The following LEF1 variants were observed in gnomAD, a reference collection of about 807,000 sequenced individuals.
LEF1 encodes the protein lymphoid enhancer-binding factor 1.
LEF1 carries 14 observed loss-of-function variants against 51.2 expected under a neutral mutation model. The ratio of observed to expected loss-of-function variants is 0.27; its 90% CI spans 0.18 to 0.43. The LOEUF (loss-of-function observed/expected upper bound fraction) is 0.43. Among genes scored for constraint, LEF1 ranks in the 20% least tolerant of loss-of-function variants. The pLI, the probability that LEF1 is intolerant of heterozygous loss-of-function variation, is 1.00. For missense variants in LEF1, 386 were observed against 512.0 expected (o/e 0.75, Z 2.37); for synonymous variants, 185 against 183.2 (o/e 1.01, Z -0.08).
chr4:108,148,761 C>T (rs1046941544), intron 3 of LEF1, among the ~76,000 whole-genome samples: 4 of 152,116 alleles, frequency 2.6e-5, no homozygotes, highest in African/African-American at 9.7e-5. Context: ...ACTTGTTTAT[C>T]CTTAAACTTT....
intron 3 of LEF1, among the ~76,000 whole-genome samples, chr4:108,148,542 T>G (rs1463342612): frequency 6.6e-6 from 1 of 152,230 alleles, no homozygotes; most frequent in Non-Finnish European, 1.5e-5. Context: ...TGCCTCACTC[T>G]GCTCAGCTGT....
At chr4:108,157,588 CCAG>C (rs1744813627) in intron 3 of LEF1, among the ~76,000 whole-genome samples, 1 of 152,162 alleles carries the variant, frequency 6.6e-6, no homozygotes, top group Non-Finnish European at 1.5e-5. Flanking sequence ...GTCAACAAAT[CCAG>C]CTTTTTAAAG....
intron 3 of LEF1, among the ~76,000 whole-genome samples, chr4:108,099,570 G>GTATGTATA (rs1740640776): frequency 1.4e-5 from 1 of 70,196 alleles, no homozygotes; most frequent in East Asian, 7.7e-4. Flanking sequence ...GTGTGTGTGT[G>GTATGTATA]TATATATATA....
In LEF1 at chr4:108,167,081, C is replaced by A. The variant is rs1745454463; in HGVS notation, c.213+474G>T. On this transcript the variant is annotated intron_variant, in intron 1 of 11. Coordinates refer to ENST00000265165, the MANE Select transcript of LEF1 (RefSeq NM_016269.5). The surrounding 1 kb of genome is among the most constrained non-coding windows in gnomAD (Gnocchi z 5.7). Reference sequence around the variant, plus strand: ...CCTTCCTCCCGCCTGTGGCTCTGCTCGTCTCCACCTAAGCCTTTGGTGGTT... The same window carrying A: ...CCTTCCTCCCGCCTGTGGCTCTGCTAGTCTCCACCTAAGCCTTTGGTGGTT... Among the ~76,000 whole-genome samples the A allele has an allele frequency of 2.6e-5, 4 of 152,150 alleles. No individual in the cohort carries two copies. In the South Asian group the frequency reaches 8.3e-4, roughly 32 times the overall value.
At chr4:108,059,929 C>A (rs1737562666) in intron 11 of LEF1, among the ~76,000 whole-genome samples, 1 of 152,118 alleles carries the variant, frequency 6.6e-6, no homozygotes, top group Middle Eastern at 3.2e-3. Flanking sequence ...AAGCAATTCA[C>A]CCACTTCAAC....
chr4:108,122,644 ATTTATT>A (rs1327425155), intron 3 of LEF1, among the ~76,000 whole-genome samples: 6 of 151,982 alleles, frequency 3.9e-5, no homozygotes, highest in African/African-American at 9.7e-5. Flanking sequence ...TGCCCAGCTA[ATTTATT>A]TTTATTTTTA....
chr4:108,112,945 C>T (rs979043953), intron 3 of LEF1, among the ~76,000 whole-genome samples: 11 of 152,106 alleles, frequency 7.2e-5, no homozygotes, highest in Non-Finnish European at 1.2e-4. Context: ...CACCATTAGA[C>T]AATGTCATCA....
chr4:108,160,278 C>T (rs1231014874), intron 3 of LEF1, among the ~76,000 whole-genome samples: 1 of 152,154 alleles, frequency 6.6e-6, no homozygotes, highest in Non-Finnish European at 1.5e-5. Flanking sequence ...TCTTTTAATA[C>T]TTTACCATTG....
intron 3 of LEF1, among the ~76,000 whole-genome samples, chr4:108,161,107 A>G (rs979267176): frequency 4.6e-5 from 7 of 152,228 alleles, no homozygotes; most frequent in East Asian, 1.9e-4. Context: ...AGCCCTGCTA[A>G]GGACAGAGTT....
intron 3 of LEF1, among the ~76,000 whole-genome samples, chr4:108,125,108 GCATTT>G (rs1421682087): frequency 6.6e-6 from 1 of 152,134 alleles, no homozygotes; most frequent in Non-Finnish European, 1.5e-5. Flanking sequence ...GGTATTCACT[GCATTT>G]ATCAATTCAA....
At chr4:108,113,997 T>G (rs1034670411) in intron 3 of LEF1, among the ~76,000 whole-genome samples, 2 of 151,766 alleles carry the variant, frequency 1.3e-5, no homozygotes, top group African/African-American at 2.4e-5. Context: ...CAATCTGGAG[T>G]TTTTTTTAAG....
At chr4:108,155,384 G>A (rs1744625301) in intron 3 of LEF1, among the ~76,000 whole-genome samples, 1 of 152,162 alleles carries the variant, frequency 6.6e-6, no homozygotes, top group South Asian at 2.1e-4. Flanking sequence ...GAGCCCAAGA[G>A]AGGAAAATCA....
intron 5 of LEF1, 83 bp from the exon 6 acceptor site, chr4:108,081,752 G>A: frequency 1.1e-6 from 1 of 938,584 alleles, no homozygotes; most frequent in Non-Finnish European, 1.7e-6. Context: ...GGGGAGAAGA[G>A]GGAGATATTC....
Position 108,163,527 on chromosome 4 carries a change from G to C in LEF1, c.414+41C>G, listed in dbSNP as rs538612354. The C allele has an allele frequency of 1.9e-6, 3 of 1,590,760 alleles. No homozygotes were observed. In the African/African-American group the frequency reaches 4.0e-5, roughly 21 times the overall value. On this transcript the variant is annotated intron_variant, in intron 3 of 11. Transcript: ENST00000265165. ...ATTCTGCCAAAATACAAATCAATTTGCACTTCTGAACATAATTTGCAACAT... is the reference window on the plus strand; with the variant it reads ...ATTCTGCCAAAATACAAATCAATTTCCACTTCTGAACATAATTTGCAACAT...
intron 1 of LEF1, among the ~76,000 whole-genome samples, chr4:108,165,426 A>C (rs1038800511): frequency 1.3e-5 from 2 of 152,180 alleles, no homozygotes; most frequent in African/African-American, 2.4e-5. Flanking sequence ...TAAATTTGGG[A>C]ATGATCCACA....
At chr4:108,166,948 C>T (rs1236913686) in intron 1 of LEF1, among the ~76,000 whole-genome samples, 2 of 152,076 alleles carry the variant, frequency 1.3e-5, no homozygotes, top group African/African-American at 2.4e-5. Context: ...CTGAACCCCG[C>T]ACCGCCCCCG....
intron 3 of LEF1, among the ~76,000 whole-genome samples, chr4:108,110,684 C>T (rs1353241668): frequency 2.0e-5 from 3 of 152,170 alleles, no homozygotes; most frequent in Non-Finnish European, 4.4e-5. Context: ...TGGCCTCAAA[C>T]CTCGACCCTG....
intron 7 of LEF1, 151 bp from the exon 8 acceptor site, chr4:108,078,533 G>A (rs1326170723): frequency 2.2e-6 from 2 of 897,210 alleles, no homozygotes; most frequent in Non-Finnish European, 3.5e-6. Flanking sequence ...TGGAAGAGCA[G>A]TTATTGACTC....
At chr4:108,154,347 G>A (rs1397462072) in intron 3 of LEF1, among the ~76,000 whole-genome samples, 2 of 148,914 alleles carry the variant, frequency 1.3e-5, no homozygotes, top group African/African-American at 2.5e-5. Flanking sequence ...CTTTAACACC[G>A]GGAGTATAAC....
Sources: allele counts gnomAD v4.1 joint callset (sites outside exome capture counted in the v4.1 genomes callset), GRCh38; gene constraint gnomAD v4.1.1; non-coding constraint Gnocchi (gnomAD v3.1); transcripts MANE v1.5; gene names NCBI Gene and HGNC (gene_info 2026-07-23, HGNC 2026-07-21).